The following PCDHA3 variants were observed in gnomAD, a reference collection of about 807,000 sequenced individuals.
PCDHA3 encodes protocadherin alpha 3.
PCDHA3 carries 41 observed loss-of-function variants against 62.2 expected under a neutral mutation model. That is an observed-to-expected ratio of 0.66 (90% confidence interval 0.51 to 0.86). The LOEUF (loss-of-function observed/expected upper bound fraction) is 0.86, where lower values mean the gene tolerates loss of function less well. Among genes scored for constraint, PCDHA3 ranks in the 40% least tolerant of loss-of-function variants. The probability of loss-of-function intolerance (pLI) is 0.00; values close to 1 mark genes in which losing one functional copy is unlikely to be tolerated. For missense variants in PCDHA3, 1,304 were observed against 1,241.2 expected, an observed-to-expected ratio of 1.05 and a Z score of -0.76; for synonymous variants, 640 against 555.4, an observed-to-expected ratio of 1.15 and a Z score of -2.14.
At chr5:140,815,530 T>C (rs1166170881) in intron 1 of PCDHA3, 1 of 102,342 alleles carries the variant, frequency 9.8e-6, no homozygotes, top group Non-Finnish European at 2.0e-5. Context: ...TTATATTGTG[T>C]ATACATTATT....
rs112947494 is a variant in PCDHA3, at chr5:140,841,828, C to T, written c.2394+38237C>T. The T allele has an allele frequency of 2.2e-3, 3,483 of 1,613,892 alleles. 96 individuals are homozygous for T. In the African/African-American group the frequency reaches 0.04, roughly 19 times the overall value. ...ATGTTGGAGCTAACTCCGTGTTAAC[C>T]TACAGGCTTAGCTCTCATGATTACT... On this transcript the variant is annotated intron_variant, in intron 1 of 3. Transcript: ENST00000522353.
chr5:140,916,003 A>G (rs971043760), intron 1 of PCDHA3, among the ~76,000 whole-genome samples: 1 of 152,146 alleles, frequency 6.6e-6, no homozygotes, highest in Non-Finnish European at 1.5e-5. Context: ...CACTCAAACC[A>G]CAAGACAAAG....
At chr5:140,876,181 G>A in intron 1 of PCDHA3, 9 of 1,613,980 alleles carry the variant, frequency 5.6e-6, no homozygotes, top group Non-Finnish European at 7.6e-6. Flanking sequence ...GGATGTGAAT[G>A]ACAATGGTCC....
intron 1 of PCDHA3, chr5:140,866,442 T>C (rs2049360062): frequency 6.6e-6 from 1 of 151,872 alleles, no homozygotes; most frequent in Non-Finnish European, 1.5e-5. Flanking sequence ...TCTTCTTCAG[T>C]CTTATTGTTG....
chr5:140,857,610 C>T (rs1436552212), intron 1 of PCDHA3: 2 of 1,596,344 alleles, frequency 1.3e-6, no homozygotes, highest in South Asian at 2.2e-5. Flanking sequence ...GCGCTGCAGC[C>T]GCTGGACCAC....
rs2150163388 is a variant in PCDHA3, at chr5:140,829,170, G to T, written c.2394+25579G>T. The T allele has an allele frequency of 3.0e-5, 49 of 1,613,982 alleles. No individual in the cohort carries two copies. Among genetic ancestry groups the T allele is most frequent in the Non-Finnish European group, 4.0e-5 (47 of 1,179,950 alleles). ...CTGACTTCCTTATCCTTGCCTGTAC[G>T]TGAAGACGCTCAATTTGGTACTGTC... is the stretch of plus-strand genomic sequence containing the variant. On this transcript the variant is annotated intron_variant, in intron 1 of 3. Coordinates refer to ENST00000522353, the MANE Select transcript of PCDHA3 (RefSeq NM_018906.3).
chr5:140,985,739 CTTTTT>C (rs11372071), intron 3 of PCDHA3, among the ~76,000 whole-genome samples: 1 of 117,916 alleles, frequency 8.5e-6, no homozygotes, highest in Non-Finnish European at 1.7e-5. Context: ...TGATGAATTC[CTTTTT>C]TTTTTTTTTT....
At chr5:140,949,825 C>G (rs1321892793) in intron 1 of PCDHA3, among the ~76,000 whole-genome samples, 2 of 151,748 alleles carry the variant, frequency 1.3e-5, no homozygotes, top group African/African-American at 4.8e-5. Flanking sequence ...TATTTGTCCC[C>G]TCTGATTTTG....
chr5:140,876,536 TG>T (rs781943442), intron 1 of PCDHA3: 1 of 1,614,238 alleles, frequency 6.2e-7, no homozygotes, highest in South Asian at 1.1e-5. Flanking sequence ...GTTACTTCAC[TG>T]TCGCTCCCTG....
chr5:140,851,436 G>C, intron 1 of PCDHA3: 2 of 931,614 alleles, frequency 2.1e-6, no homozygotes, highest in East Asian at 2.3e-4. Context: ...TTAGAAAACA[G>C]TTGCTCCACT....
At chr5:140,943,770 A>G (rs1290673049) in intron 1 of PCDHA3, among the ~76,000 whole-genome samples, 16 of 152,384 alleles carry the variant, frequency 1.0e-4, no homozygotes, top group African/African-American at 3.8e-4. Context: ...TAGGAAAAAA[A>G]CTAGGAAGTG....
intron 1 of PCDHA3, among the ~76,000 whole-genome samples, chr5:140,878,510 A>G (rs781881628): frequency 2.0e-5 from 3 of 152,250 alleles, no homozygotes; most frequent in Non-Finnish European, 4.4e-5. Flanking sequence ...ACGATACAGT[A>G]CAGTTGGTAA....
intron 1 of PCDHA3, among the ~76,000 whole-genome samples, chr5:140,954,817 T>G (rs1461497595): frequency 1.3e-5 from 2 of 152,224 alleles, no homozygotes; most frequent in Non-Finnish European, 2.9e-5. Flanking sequence ...TGAAATTGCT[T>G]TAGGCACTTT....
intron 1 of PCDHA3, chr5:140,967,700 G>T: frequency 6.2e-7 from 1 of 1,614,196 alleles, no homozygotes; most frequent in Non-Finnish European, 8.5e-7. Context: ...CAGCATAGAT[G>T]CCAGTACCGG....
intron 1 of PCDHA3, chr5:140,877,919 T>A: frequency 7.0e-7 from 1 of 1,423,998 alleles, no homozygotes; most frequent in South Asian, 1.6e-5. Flanking sequence ...CTCTCATTTT[T>A]CTTTATGATT....
At chr5:140,901,654 T>C (rs1274474554) in intron 1 of PCDHA3, among the ~76,000 whole-genome samples, 6 of 152,194 alleles carry the variant, frequency 3.9e-5, no homozygotes. Flanking sequence ...GTTTTGTTCT[T>C]TTTGCTCAAG....
At chr5:140,815,129 AAAATC>A (rs1554126683) in intron 1 of PCDHA3, 1 of 152,170 alleles carries the variant, frequency 6.6e-6, no homozygotes, top group African/African-American at 2.4e-5. Flanking sequence ...GTCTTTAAAA[AAAATC>A]AATTCAACCA....
At chr5:140,950,548 G>T (rs1363394631) in intron 1 of PCDHA3, among the ~76,000 whole-genome samples, 2 of 151,990 alleles carry the variant, frequency 1.3e-5, no homozygotes, top group African/African-American at 4.8e-5. Context: ...TTGCATGGCT[G>T]GGGGGACACT....
At chr5:140,917,332 G>GT (rs1293292013) in intron 1 of PCDHA3, among the ~76,000 whole-genome samples, 2 of 145,540 alleles carry the variant, frequency 1.4e-5, no homozygotes, top group Non-Finnish European at 3.0e-5. Flanking sequence ...GGCGGGGGAG[G>GT]GGGGGGATGG....
Sources: allele counts gnomAD v4.1 joint callset (sites outside exome capture counted in the v4.1 genomes callset), GRCh38; gene constraint gnomAD v4.1.1; transcripts MANE v1.5; gene names NCBI Gene and HGNC (gene_info 2026-07-23, HGNC 2026-07-21).